VBP1: variants seen among roughly 807,000 people sequenced by gnomAD.
VBP1 encodes the protein prefoldin subunit 3.
VBP1 carries 4 observed loss-of-function variants against 15.5 expected under a neutral mutation model. That is an observed-to-expected ratio of 0.26 (90% CI 0.13 to 0.59). VBP1 has a LOEUF of 0.59. Ranked by LOEUF, VBP1 falls within the 20% of genes least tolerant of loss-of-function variation. The pLI is 0.90. For missense variants in VBP1, 108 were observed against 139.6 expected (o/e 0.77, Z 1.14); for synonymous variants, 61 against 52.1 (o/e 1.17, Z -0.74).
chrX:155,227,112 G>A (rs1557310326), intron 2 of VBP1, 123 bp from the exon 3 acceptor site: 2 of 278,054 alleles, frequency 7.2e-6, no homozygotes, highest in East Asian at 6.4e-5. Context: ...AATATCTTAA[G>A]TATTTTATAT....
intron 1 of VBP1, among the ~76,000 whole-genome samples, chrX:155,201,459 C>T (rs782347648): frequency 3.6e-3 from 345 of 95,212 alleles, no homozygotes; most frequent in Non-Finnish European, 5.7e-3. Flanking sequence ...GTTCAATATA[C>T]ACAAATCAAT....
upstream of VBP1, among the ~76,000 whole-genome samples, chrX:155,215,964 C>T (rs2124060721): frequency 9.0e-6 from 1 of 111,535 alleles, no homozygotes; most frequent in South Asian, 3.7e-4. Context: ...AGGCCAGTGA[C>T]CACTCTGAAA....
In VBP1 at chrX:155,234,762, A is replaced by G. The variant is rs782782735; in HGVS notation, c.385-1467A>G. ...CATCCAGTCATTTTGATTGTATGTT[A>G]CTCATTCGTCTGATAAGTAGATTGC... is the stretch of plus-strand genomic sequence containing the variant. On this transcript the variant is annotated intron_variant, in intron 4 of 5. Transcript: ENST00000286428. Among the ~76,000 whole-genome samples, 11 of 111,792 alleles carry G rather than the reference A, an allele frequency of 9.8e-5. No homozygotes were observed. In the South Asian group the frequency reaches 4.1e-3, roughly 42 times the overall value.
At chrX:155,203,875 A>T (rs2074616730) in intron 1 of VBP1, among the ~76,000 whole-genome samples, 1 of 112,368 alleles carries the variant, frequency 8.9e-6, no homozygotes, top group Admixed American at 9.4e-5. Context: ...TAGTATACAA[A>T]GTATATAACA....
upstream of VBP1, among the ~76,000 whole-genome samples, chrX:155,215,266 G>T (rs1002383160): frequency 1.8e-5 from 2 of 111,280 alleles, no homozygotes; most frequent in Non-Finnish European, 3.8e-5. Flanking sequence ...GTGGGGGAGA[G>T]TGGTGAAGAA....
At chrX:155,228,590 G>C (rs1024689241) in intron 4 of VBP1, 108 bp downstream of exon 4, 1 of 617,948 alleles carries the variant, frequency 1.6e-6, no homozygotes, top group African/African-American at 2.3e-5. Flanking sequence ...AGTATTGCTC[G>C]AGATATGTAA....
chrX:155,228,821 A>G (rs2074732143), intron 4 of VBP1, among the ~76,000 whole-genome samples: 1 of 112,370 alleles, frequency 8.9e-6, no homozygotes. Context: ...GAAGTAAAAT[A>G]GAAGGTACTG....
rs782506761 is a variant in VBP1, at chrX:155,235,116, A to G, written c.385-1113A>G. On this transcript the variant is annotated intron_variant, in intron 4 of 5. Transcript: ENST00000286428. ...CATTTCACCCAGTGTGTGTGTGTGT[A>G]TGTGTGTGTGTGTGTGTGTGTGTGT... 4.4e-3 allele frequency among the ~76,000 whole-genome samples: 430 copies of G among 97,408 alleles called. 2 individuals carry two copies. Among genetic ancestry groups the G allele is most frequent in the African/African-American group, 0.014 (372 of 26,371 alleles). 84.6% of individuals were successfully genotyped at this position (97,408 alleles called of 115,157 possible). A position where few individuals can be genotyped will look rare whatever the true frequency, so the allele number is the denominator to read the frequency against.
intron 3 of VBP1, 77 bp downstream of exon 3, chrX:155,227,378 C>A: frequency 1.4e-6 from 1 of 737,435 alleles, no homozygotes; most frequent in Non-Finnish European, 2.0e-6. Context: ...ACTCTTTGGT[C>A]ACTGATATTT....
At chrX:155,205,721 C>T (rs2074623886) in intron 1 of VBP1, among the ~76,000 whole-genome samples, 1 of 111,425 alleles carries the variant, frequency 9.0e-6, no homozygotes. Context: ...CAAGATCCTC[C>T]ATGCTTCCTC....
intron 2 of VBP1, among the ~76,000 whole-genome samples, chrX:155,223,198 C>CTT (rs200231292): frequency 1.2e-5 from 1 of 85,270 alleles, no homozygotes; most frequent in Non-Finnish European, 2.2e-5. Context: ...CTATTTCTTT[C>CTT]TTTTTTTAAT....
intron 4 of VBP1, among the ~76,000 whole-genome samples, chrX:155,232,110 A>G (rs1398498569): frequency 9.0e-6 from 1 of 111,414 alleles, no homozygotes; most frequent in Non-Finnish European, 1.9e-5. Flanking sequence ...TGCTAGTTTT[A>G]TAGGTGAAAA....
chrX:155,215,493 C>T (rs1348055637), upstream of VBP1, among the ~76,000 whole-genome samples: 3 of 112,156 alleles, frequency 2.7e-5, no homozygotes, highest in South Asian at 7.4e-4. Flanking sequence ...CTTTAGTTTC[C>T]TCATTCACAA....
At chrX:155,224,580 A>G (rs1425494730) in intron 2 of VBP1, among the ~76,000 whole-genome samples, 1 of 112,080 alleles carries the variant, frequency 8.9e-6, no homozygotes, top group African/African-American at 3.2e-5. Flanking sequence ...TCGGCATCAG[A>G]GGGAGACCAT....
intron 4 of VBP1, among the ~76,000 whole-genome samples, chrX:155,231,450 C>G (rs1557310854): frequency 1.8e-5 from 2 of 112,485 alleles, no homozygotes; most frequent in African/African-American, 6.5e-5. Flanking sequence ...TGTTTTCCTT[C>G]AAAGTACTTA....
At chrX:155,230,348 T>A (rs1660121569) in intron 4 of VBP1, among the ~76,000 whole-genome samples, 1 of 111,686 alleles carries the variant, frequency 9.0e-6, no homozygotes. Context: ...GTCCAACTTA[T>A]TTTTTGTTGG....
chrX:155,203,928 G>C (rs1403864712), intron 1 of VBP1, among the ~76,000 whole-genome samples: 9 of 111,466 alleles, frequency 8.1e-5, no homozygotes, highest in African/African-American at 2.9e-4. Context: ...TATATCACAA[G>C]ATTGGAAACA....
At chrX:155,234,107 C>CTTT (rs2074759357) in intron 4 of VBP1, among the ~76,000 whole-genome samples, 1 of 70,537 alleles carries the variant, frequency 1.4e-5, no homozygotes, top group African/African-American at 5.5e-5. Flanking sequence ...AGTTGTTCCT[C>CTTT]TGTTTTTTTT....
chrX:155,227,899 A>T (rs1479311407), intron 3 of VBP1, among the ~76,000 whole-genome samples: 10 of 112,700 alleles, frequency 8.9e-5, no homozygotes, highest in African/African-American at 2.9e-4. Context: ...GTGTATGCTT[A>T]TGATTTTGCT....
Sources: allele counts gnomAD v4.1 joint callset (sites outside exome capture counted in the v4.1 genomes callset), GRCh38; gene constraint gnomAD v4.1.1; transcripts MANE v1.5; gene names NCBI Gene and HGNC (gene_info 2026-07-23, HGNC 2026-07-21).